Variants in HTR2C observed in about 807,000 individuals in gnomAD.
The protein encoded by HTR2C is 5-hydroxytryptamine (serotonin) receptor 2C, G protein-coupled.
HTR2C carries 5 observed loss-of-function variants against 21.0 expected under a neutral mutation model. That is an observed-to-expected ratio of 0.24 (90% confidence interval 0.12 to 0.50). The LOEUF (loss-of-function observed/expected upper bound fraction) is 0.50. HTR2C is among the 20% of genes least tolerant of loss of function. The probability of loss-of-function intolerance (pLI) is 0.98; values close to 1 mark genes in which losing one functional copy is unlikely to be tolerated. For missense variants in HTR2C, 271 were observed against 371.2 expected (o/e 0.73, Z 2.22); for synonymous variants, 150 against 145.3 (o/e 1.03, Z -0.23).
At chrX:114,867,720 A>C (rs1351795489) in intron 5 of HTR2C, among the ~76,000 whole-genome samples, 1 of 112,024 alleles carries the variant, frequency 8.9e-6, no homozygotes, top group African/African-American at 3.2e-5. Context: ...ATTATTCTGC[A>C]TATGGATATC....
intron 2 of HTR2C, among the ~76,000 whole-genome samples, chrX:114,635,211 T>TAATGATGC (rs782464872): frequency 1.1e-4 from 12 of 112,284 alleles, no homozygotes; most frequent in Admixed American, 2.8e-4. Context: ...CAAAACTTAT[T>TAATGATGC]AATGATGCAA....
chrX:114,606,527 C>G (rs1242936491), intron 1 of HTR2C, among the ~76,000 whole-genome samples: 1 of 111,382 alleles, frequency 9.0e-6, no homozygotes, highest in Non-Finnish European at 1.9e-5. Context: ...TCCTTTGTCT[C>G]TCCCAGAAAA....
intron 2 of HTR2C, among the ~76,000 whole-genome samples, chrX:114,656,350 C>A (rs782132985): frequency 1.2e-4 from 13 of 111,358 alleles, no homozygotes; most frequent in Non-Finnish European, 2.5e-4. Context: ...CTCATTTAAT[C>A]ACCCATCCAT....
chrX:114,896,585 G>C (rs979164060), intron 5 of HTR2C, among the ~76,000 whole-genome samples: 10 of 111,874 alleles, frequency 8.9e-5, no homozygotes, highest in Non-Finnish European at 1.9e-4. Flanking sequence ...TTTTATTATT[G>C]TGAATACCCA....
At chrX:114,840,652 G>T (rs1407068590) in intron 4 of HTR2C, among the ~76,000 whole-genome samples, 1 of 111,573 alleles carries the variant, frequency 9.0e-6, no homozygotes, top group East Asian at 2.8e-4. Flanking sequence ...GGTGAAAGCC[G>T]TAAGTTTATA....
chrX:114,901,178 C>A (rs1232934696), intron 5 of HTR2C, among the ~76,000 whole-genome samples: 5 of 112,311 alleles, frequency 4.5e-5, no homozygotes, highest in Non-Finnish European at 1.9e-5. Context: ...AAGAAATGTG[C>A]CTCTTAGAAT....
intron 4 of HTR2C, among the ~76,000 whole-genome samples, chrX:114,808,033 C>T (rs2070496220): frequency 9.0e-6 from 1 of 110,719 alleles, no homozygotes; most frequent in Non-Finnish European, 1.9e-5. Flanking sequence ...CCCTGTTGTG[C>T]TGTCAAATAC....
At chrX:114,684,723 A>G (rs1283031432) in intron 2 of HTR2C, among the ~76,000 whole-genome samples, 5 of 111,413 alleles carry the variant, frequency 4.5e-5, no homozygotes, top group African/African-American at 1.6e-4. Flanking sequence ...AAAATACCAA[A>G]TCTAAGAAAA....
chrX:114,771,914 T>C (rs868922881), intron 4 of HTR2C, among the ~76,000 whole-genome samples: 2 of 112,182 alleles, frequency 1.8e-5, no homozygotes, highest in Middle Eastern at 4.6e-3. Flanking sequence ...GTTGAAATAT[T>C]GAAAGTGTTC....
chrX:114,644,362 A>AAT lies in HTR2C; in HGVS notation c.-80+30526_-80+30527dup, dbSNP rs782451317. Among the ~76,000 whole-genome samples the AAT allele has an allele frequency of 7.2e-3, 274 of 38,199 alleles. 4 individuals carry two copies. Among genetic ancestry groups the AAT allele is most frequent in the African/African-American group, 0.01 (80 of 7,753 alleles). The allele number at this position is 38,199 out of a possible 115,157, so 33.2% of individuals were successfully genotyped here. A position where few individuals can be genotyped will look rare whatever the true frequency, so the allele number is the denominator to read the frequency against. ...TCCATCTAAAATAAATAAATAAATA[A>AAT]ATATATATATATATATATATATATA... is the stretch of plus-strand genomic sequence containing the variant. On this transcript the variant is annotated intron_variant, in intron 2 of 5. Transcript: ENST00000276198.
intron 1 of HTR2C, among the ~76,000 whole-genome samples, chrX:114,589,426 T>C (rs782720088): frequency 1.8e-5 from 2 of 111,599 alleles, no homozygotes; most frequent in African/African-American, 6.5e-5. Flanking sequence ...CAGATGTTAC[T>C]ACTGTGAGTT....
intron 2 of HTR2C, among the ~76,000 whole-genome samples, chrX:114,671,460 T>A (rs1440275625): frequency 8.9e-6 from 1 of 111,900 alleles, no homozygotes; most frequent in African/African-American, 3.2e-5. Flanking sequence ...AGTTGCAGTT[T>A]TTAATCAATA....
chrX:114,632,017 GC>G (rs1365220165), intron 2 of HTR2C, among the ~76,000 whole-genome samples: 2 of 112,070 alleles, frequency 1.8e-5, no homozygotes, highest in African/African-American at 6.5e-5. Context: ...TAAAGTAGAA[GC>G]TAAATAAATA....
At chrX:114,855,954 G>T (rs187180815) in intron 5 of HTR2C, among the ~76,000 whole-genome samples, 150 of 108,213 alleles carry the variant, frequency 1.4e-3, no homozygotes, top group African/African-American at 4.8e-3. Context: ...AGGCAGTCCT[G>T]TTAGAGTGAC....
intron 2 of HTR2C, among the ~76,000 whole-genome samples, chrX:114,641,625 T>A (rs1404567877): frequency 8.9e-6 from 1 of 112,229 alleles, no homozygotes; most frequent in Non-Finnish European, 1.9e-5. Flanking sequence ...CTTTCAACAT[T>A]TTACTTTTTT....
intron 4 of HTR2C, among the ~76,000 whole-genome samples, chrX:114,789,076 C>T (rs921000140): frequency 2.3e-4 from 26 of 111,978 alleles, no homozygotes; most frequent in East Asian, 8.4e-4. Context: ...AAGAACTATT[C>T]GAAAAATTAC....
intron 4 of HTR2C, among the ~76,000 whole-genome samples, chrX:114,785,949 G>A (rs929389277): frequency 1.7e-4 from 19 of 112,197 alleles, no homozygotes; most frequent in African/African-American, 6.2e-4. Flanking sequence ...AATAAGAGTA[G>A]TAACCAGAGC....
chrX:114,649,552 G>A (rs912498967), intron 2 of HTR2C, among the ~76,000 whole-genome samples: 1 of 111,792 alleles, frequency 8.9e-6, no homozygotes, highest in Admixed American at 9.5e-5. Context: ...TGGTCACAGA[G>A]CAAAGGTAAT....
intron 1 of HTR2C, among the ~76,000 whole-genome samples, chrX:114,586,314 T>TG (rs1282395364): frequency 9.0e-6 from 1 of 111,481 alleles, no homozygotes; most frequent in African/African-American, 3.3e-5. Context: ...ACCCCACAGG[T>TG]GGGGGGAAAT....
Sources: gnomAD v4.1 joint callset for allele counts (sites outside exome capture counted in the v4.1 genomes callset) on GRCh38, gnomAD v4.1.1 for gene constraint, MANE v1.5 for transcripts, NCBI Gene and HGNC (gene_info 2026-07-23, HGNC 2026-07-21) for gene names.